PCDHA6: variants seen among roughly 807,000 people sequenced by gnomAD.
PCDHA6 encodes the protein protocadherin alpha 6.
In PCDHA6, 55 loss-of-function variants were observed where a neutral mutation model predicts 60.3. The ratio of observed to expected loss-of-function variants is 0.91; its 90% confidence interval spans 0.73 to 1.14. The LOEUF is 1.14. Among genes scored for constraint, PCDHA6 ranks in the 50% most tolerant of loss-of-function variants. The probability of loss-of-function intolerance (pLI) is 0.00; values close to 1 mark genes in which losing one functional copy is unlikely to be tolerated. For synonymous variants in PCDHA6, 652 were observed against 557.9 expected, an observed-to-expected ratio of 1.17 and a Z score of -2.38; for missense variants, 1,327 against 1,256.5, an observed-to-expected ratio of 1.06 and a Z score of -0.85.
At chr5:140,877,334 C>T (rs375199455) in intron 1 of PCDHA6, 1 of 1,614,002 alleles carries the variant, frequency 6.2e-7, no homozygotes, top group Non-Finnish European at 8.5e-7. Flanking sequence ...GCGCACATCC[C>T]GTTCCACGTG....
chr5:140,870,391 G>A lies in PCDHA6; in HGVS notation c.2394+39906G>A. 1.9e-6 allele frequency: 3 copies of A among 1,614,230 alleles called. No homozygotes were observed. Among genetic ancestry groups the A allele is most frequent in the East Asian group, 2.2e-5 (1 of 44,872 alleles). The stretch of plus-strand genomic sequence containing the variant: ...ACTGGTGGTGACTGCGCGGGATGGG[G>A]GTTCGCCTTCTCTGTGGGCCACGGC... On this transcript the variant is annotated intron_variant, in intron 1 of 3. Transcript: ENST00000529310.
intron 1 of PCDHA6, among the ~76,000 whole-genome samples, chr5:140,921,217 T>G (rs2080100928): frequency 6.6e-6 from 1 of 152,122 alleles, no homozygotes; most frequent in African/African-American, 2.4e-5. Flanking sequence ...ATTCACGTCT[T>G]TTTTGCTAGA....
In PCDHA6 at chr5:140,885,198, T is replaced by A. The variant is rs531029212; in HGVS notation, c.2394+54713T>A. On this transcript the variant is annotated intron_variant, in intron 1 of 3. Coordinates refer to ENST00000529310, the MANE Select transcript of PCDHA6 (RefSeq NM_018909.4). ...TAGGCACATCAGTGTTCCCCTCTCATATATCCCATGAAAAATATCTTGTGA... is the reference window on the plus strand; with the variant it reads ...TAGGCACATCAGTGTTCCCCTCTCAAATATCCCATGAAAAATATCTTGTGA... Among the ~76,000 whole-genome samples the A allele has an allele frequency of 5.9e-5, 9 of 152,276 alleles. No homozygotes were observed. In the South Asian group the frequency reaches 1.7e-3, roughly 28 times the overall value.
chr5:140,954,091 A>G (rs1055518318), intron 1 of PCDHA6, among the ~76,000 whole-genome samples: 1 of 152,204 alleles, frequency 6.6e-6, no homozygotes, highest in African/African-American at 2.4e-5. Flanking sequence ...AGCTCCATCC[A>G]TGTCCCTGCA....
intron 1 of PCDHA6, among the ~76,000 whole-genome samples, chr5:140,920,617 G>A (rs569983611): frequency 9.7e-4 from 148 of 152,170 alleles, no homozygotes; most frequent in African/African-American, 2.6e-3. Context: ...AGGCCGAGGC[G>A]GATGGATCAC....
chr5:140,850,188 C>T (rs2150472267), intron 1 of PCDHA6: 1 of 1,593,702 alleles, frequency 6.3e-7, no homozygotes, highest in Non-Finnish European at 8.6e-7. Flanking sequence ...TGCGCCGGCG[C>T]TGCTGACACC....
At chr5:140,897,467 C>T (rs1427386129) in intron 1 of PCDHA6, among the ~76,000 whole-genome samples, 11 of 151,912 alleles carry the variant, frequency 7.2e-5, no homozygotes, top group Non-Finnish European at 7.4e-5. Flanking sequence ...CGATAGTTTA[C>T]TGAGAATGAT....
intron 1 of PCDHA6, among the ~76,000 whole-genome samples, chr5:140,896,022 G>A (rs940712653): frequency 6.6e-6 from 1 of 152,136 alleles, no homozygotes; most frequent in East Asian, 1.9e-4. Context: ...TGTTGGCCAG[G>A]CTGGTCTCGA....
In PCDHA6 at chr5:140,828,048, A is replaced by C; in HGVS notation, c.-44A>C. The C allele has an allele frequency of 6.5e-7, 1 of 1,544,030 alleles. No individual in the cohort carries two copies. The highest frequency in any genetic ancestry group is 8.7e-7 in the Non-Finnish European group (1 of 1,148,398). On this transcript the variant is annotated 5_prime_UTR_variant, in exon 1 of 4. It removes an upstream start codon present in the reference 5' UTR. Transcript: ENST00000529310. ...CCGGAACATACAGTATTTTATCTTTATGCGGAAGATCTTCTAATGGAAATA... is the reference window on the plus strand; with the variant it reads ...CCGGAACATACAGTATTTTATCTTTCTGCGGAAGATCTTCTAATGGAAATA...
rs6883852 is a variant in PCDHA6, at chr5:140,924,704, G to T, written c.2395-54245G>T. 8.9e-3 allele frequency among the ~76,000 whole-genome samples: 1,352 copies of T among 152,160 alleles called. 15 individuals are homozygous for T. Among genetic ancestry groups the T allele is most frequent in the African/African-American group, 0.032 (1,309 of 41,486 alleles). On this transcript the variant is annotated intron_variant, in intron 1 of 3. Coordinates refer to ENST00000529310, the MANE Select transcript of PCDHA6 (RefSeq NM_018909.4). ...GAGGTCAGGAGTTCGAGACCAGCTT[G>T]TGCAACATGGCGAAACCTCACCTCT...
chr5:140,983,101 C>T (rs1047738074), intron 3 of PCDHA6, among the ~76,000 whole-genome samples: 2 of 152,228 alleles, frequency 1.3e-5, no homozygotes, highest in African/African-American at 4.8e-5. Flanking sequence ...ATCTGCTTCT[C>T]TCTGCACATC....
chr5:140,882,572 T>C, intron 1 of PCDHA6: 1 of 1,614,106 alleles, frequency 6.2e-7, no homozygotes, highest in Non-Finnish European at 8.5e-7. Flanking sequence ...GAGCGCGGAG[T>C]GCAGCATCCA....
At chr5:140,954,221 T>C (rs1237648662) in intron 1 of PCDHA6, among the ~76,000 whole-genome samples, 2 of 152,252 alleles carry the variant, frequency 1.3e-5, no homozygotes, top group African/African-American at 4.8e-5. Flanking sequence ...TTTTTGCTAT[T>C]GTGAATAGTG....
chr5:140,979,573 G>T lies in PCDHA6; in HGVS notation c.2453+566G>T, dbSNP rs558232107. Among the ~76,000 whole-genome samples, 224 of 152,236 alleles carry T rather than the reference G, an allele frequency of 1.5e-3. 1 individual carries two copies. Among genetic ancestry groups the T allele is most frequent in the African/African-American group, 5.2e-3 (215 of 41,538 alleles). On this transcript the variant is annotated intron_variant, in intron 2 of 3. Transcript: ENST00000529310. ...CTTCAGAAGATGAGCCATGTAAAGG[G>T]CTCCAAATCTAGCTTACTTTAAATT...
intron 1 of PCDHA6, among the ~76,000 whole-genome samples, chr5:140,912,341 G>GT (rs1430124831): frequency 9.5e-5 from 12 of 126,362 alleles, no homozygotes; most frequent in African/African-American, 4.2e-4. Flanking sequence ...AGTACACTAA[G>GT]TATTTTTTTT....
intron 1 of PCDHA6, among the ~76,000 whole-genome samples, chr5:140,953,278 T>C (rs1227774652): frequency 6.6e-5 from 10 of 152,146 alleles, no homozygotes; most frequent in African/African-American, 2.4e-4. Flanking sequence ...CTTTGCTCTT[T>C]ATATGTGATT....
In PCDHA6 at chr5:140,928,308, C is replaced by T. The variant is rs1554205728; in HGVS notation, c.2395-50641C>T. On this transcript the variant is annotated intron_variant, in intron 1 of 3. Transcript: ENST00000529310. The stretch of plus-strand genomic sequence containing the variant: ...TAGGCCGAGTGTTTGCCCAGGACCC[C>T]GACCTGGGGAAGAATGGCCTTGTCT... 3.7e-6 allele frequency: 6 copies of T among 1,614,008 alleles called. No individual in the cohort carries two copies. The South Asian group carries it at 5.5e-5, about 15-fold the overall frequency.
chr5:140,983,526 A>G (rs1421450953), intron 3 of PCDHA6, among the ~76,000 whole-genome samples: 3 of 152,230 alleles, frequency 2.0e-5, no homozygotes, highest in Admixed American at 2.0e-4. Flanking sequence ...TGCCAAGTAC[A>G]TTGTATGTGT....
At chr5:140,895,666 T>A (rs538311323) in intron 1 of PCDHA6, among the ~76,000 whole-genome samples, 24 of 152,288 alleles carry the variant, frequency 1.6e-4, no homozygotes, top group African/African-American at 5.8e-4. Context: ...AGTGAGAACA[T>A]GTAGTATTTG....
Sources: allele counts gnomAD v4.1 joint callset (sites outside exome capture counted in the v4.1 genomes callset), GRCh38; gene constraint gnomAD v4.1.1; transcripts MANE v1.5; gene names NCBI Gene and HGNC (gene_info 2026-07-23, HGNC 2026-07-21).